The following PTPRM variants were observed in gnomAD, a reference collection of about 807,000 sequenced individuals.
The protein encoded by PTPRM is protein tyrosine phosphatase receptor type M.
Under a neutral mutation model 186.7 loss-of-function variants are expected in PTPRM, and 47 were observed. The ratio of observed to expected loss-of-function variants is 0.25; its 90% CI spans 0.20 to 0.32. The LOEUF (loss-of-function observed/expected upper bound fraction) is 0.32, where lower values mean the gene tolerates loss of function less well. Among genes scored for constraint, PTPRM ranks in the 10% least tolerant of loss-of-function variants. PTPRM has a pLI of 1.00. For missense variants in PTPRM, 1,494 were observed against 1,865.0 expected, an observed-to-expected ratio of 0.80 and a Z score of 3.66; for synonymous variants, 668 against 674.9, an observed-to-expected ratio of 0.99 and a Z score of 0.16.
chr18:8,377,345 A>G (rs958178740), intron 26 of PTPRM: 1 of 152,212 alleles, frequency 6.6e-6, no homozygotes, highest in Non-Finnish European at 1.5e-5. Flanking sequence ...TTTAGCTAAC[A>G]TAAAAATAAC....
chr18:8,331,379 T>G (rs57486401), intron 22 of PTPRM, among the ~76,000 whole-genome samples: 19,310 of 152,146 alleles, frequency 0.13, 1,671 homozygotes, highest in African/African-American at 0.25. Context: ...CTTCAACTTG[T>G]TCTTAAAATT....
At chr18:8,041,790 T>C (rs1427807673) in intron 7 of PTPRM, among the ~76,000 whole-genome samples, 1 of 152,238 alleles carries the variant, frequency 6.6e-6, no homozygotes, top group Non-Finnish European at 1.5e-5. Flanking sequence ...AGTATATGTC[T>C]ATACTCTTTT....
intron 2 of PTPRM, among the ~76,000 whole-genome samples, chr18:7,819,263 C>G (rs1197723988): frequency 8.1e-6 from 1 of 123,836 alleles, no homozygotes; most frequent in East Asian, 2.8e-4. Flanking sequence ...CCAAGACCAC[C>G]CTGGCCTGCC....
chr18:8,298,096 C>T (rs1037728713), intron 20 of PTPRM, among the ~76,000 whole-genome samples: 3 of 152,162 alleles, frequency 2.0e-5, no homozygotes, highest in Non-Finnish European at 4.4e-5. Context: ...AGTCTAGCGC[C>T]GTGACACAGG....
intron 24 of PTPRM, among the ~76,000 whole-genome samples, chr18:8,374,338 A>G (rs569420050): frequency 1.7e-4 from 26 of 152,058 alleles, no homozygotes; most frequent in African/African-American, 6.3e-4. Flanking sequence ...CACCCCAAAA[A>G]CCCACCAGGA....
chr18:7,821,675 A>T (rs894608059), intron 2 of PTPRM, among the ~76,000 whole-genome samples: 1 of 152,226 alleles, frequency 6.6e-6, no homozygotes, highest in Non-Finnish European at 1.5e-5. Context: ...CAGTATCACT[A>T]GTCTTGTGCT....
intron 4 of PTPRM, among the ~76,000 whole-genome samples, chr18:7,920,967 C>A (rs776014929): frequency 6.6e-6 from 1 of 152,060 alleles, no homozygotes; most frequent in East Asian, 1.9e-4. Flanking sequence ...CCATATGAAC[C>A]CTGATTCCTT....
intron 23 of PTPRM, among the ~76,000 whole-genome samples, chr18:8,352,087 C>CACT (rs1349808483): frequency 2.6e-5 from 4 of 152,224 alleles, no homozygotes; most frequent in Admixed American, 1.3e-4. Context: ...GTATCTATGA[C>CACT]ACTAATAATC....
rs1294570774 is a variant in PTPRM, at chr18:8,370,954, T to C, written c.3119T>C (p.Ile1040Thr). ...EIYKDIKVTL[I>T]ETELLAEYVI... ...TATAAAGACATTAAAGTTACCCTAA[T>C]AGAAACAGAACTACTGGCAGAATAT... Residue 1040 changes from isoleucine to threonine, a missense_variant, in exon 24 of 33, where the codon ATA (isoleucine) becomes ACA (threonine). Physicochemically the swap from Ile to Thr is moderately conservative, Grantham distance 89. Transcript: ENST00000580170. 6.2e-7 allele frequency: 1 copy of C among 1,608,682 alleles called. No individual in the cohort carries two copies. The highest frequency in any genetic ancestry group is 8.5e-7 in the Non-Finnish European group (1 of 1,175,722).
At chr18:7,891,043 G>A (rs1435587355) in intron 3 of PTPRM, among the ~76,000 whole-genome samples, 1 of 151,904 alleles carries the variant, frequency 6.6e-6, no homozygotes, top group Non-Finnish European at 1.5e-5. Context: ...TTGGGAGGCC[G>A]AGGTGGGAGG....
chr18:8,291,493 T>G lies in PTPRM; in HGVS notation c.2755-4875T>G, dbSNP rs143618978. ...AACCCTTCTTTTCTACAATATAAAT[T>G]ATTTGGTGATTACTTCCCAAGAATA... On this transcript the variant is annotated intron_variant, in intron 19 of 32. Coordinates refer to ENST00000580170, the MANE Select transcript of PTPRM (RefSeq NM_001105244.2). Among the ~76,000 whole-genome samples, 42 of 152,288 alleles carry G rather than the reference T, an allele frequency of 2.8e-4. No individual in the cohort carries two copies. The East Asian group carries it at 7.7e-3, about 28-fold the overall frequency.
intron 13 of PTPRM, among the ~76,000 whole-genome samples, chr18:8,120,540 T>C (rs2145805775): frequency 6.6e-6 from 1 of 150,818 alleles, no homozygotes; most frequent in South Asian, 2.1e-4. Flanking sequence ...TTGCTCAGGC[T>C]GGAGTGTAGT....
intron 1 of PTPRM, among the ~76,000 whole-genome samples, chr18:7,608,814 T>C (rs2143827550): frequency 6.6e-6 from 1 of 152,290 alleles, no homozygotes; most frequent in African/African-American, 2.4e-5. Flanking sequence ...TGAAACAGCC[T>C]GGAGAATTTT....
chr18:8,124,370 ACT>A (rs1183714744), intron 13 of PTPRM, among the ~76,000 whole-genome samples: 1 of 152,180 alleles, frequency 6.6e-6, no homozygotes, highest in African/African-American at 2.4e-5. Flanking sequence ...TAGCAGTGAC[ACT>A]GTCTTTTTTA....
At chr18:7,865,624 A>C (rs539999171) in intron 2 of PTPRM, among the ~76,000 whole-genome samples, 1 of 152,306 alleles carries the variant, frequency 6.6e-6, no homozygotes, top group African/African-American at 2.4e-5. Context: ...AATGTTCATC[A>C]GGGATATTGG....
chr18:8,149,861 A>C (rs2092966468), intron 14 of PTPRM, among the ~76,000 whole-genome samples: 2 of 152,172 alleles, frequency 1.3e-5, no homozygotes, highest in Admixed American at 1.3e-4. Flanking sequence ...AAAATCTCTC[A>C]GCATTTGCTT....
At chr18:7,860,197 C>T (rs1310033045) in intron 2 of PTPRM, among the ~76,000 whole-genome samples, 1 of 152,008 alleles carries the variant, frequency 6.6e-6, no homozygotes. Flanking sequence ...CTCAGCCTCC[C>T]AAGTAGTTGG....
chr18:7,949,114 T>TG, intron 5 of PTPRM, 67 bp from the exon 6 acceptor site: 1 of 1,405,096 alleles, frequency 7.1e-7, no homozygotes, highest in African/African-American at 1.4e-5. Context: ...TACCATTGGG[T>TG]GTCTGACTGT....
chr18:8,046,508 C>G (rs748483303), intron 7 of PTPRM, among the ~76,000 whole-genome samples: 2 of 152,152 alleles, frequency 1.3e-5, no homozygotes, highest in South Asian at 4.2e-4. Context: ...AGCACTGTTG[C>G]GTTGATGTTT....
Sources: gnomAD v4.1 joint callset for allele counts (sites outside exome capture counted in the v4.1 genomes callset) on GRCh38, gnomAD v4.1.1 for gene constraint, MANE v1.5 for transcripts, NCBI Gene and HGNC (gene_info 2026-07-23, HGNC 2026-07-21) for gene names.